Variants in GDF3 observed in about 807,000 individuals in gnomAD.
The protein encoded by GDF3 is growth differentiation factor 3.
In GDF3, 10 loss-of-function variants were observed where a neutral mutation model predicts 10.2. The ratio of observed to expected loss-of-function variants is 0.98; its 90% CI spans 0.60 to 1.66. GDF3 has a LOEUF of 1.66. Among genes scored for constraint, GDF3 ranks in the 40% most tolerant of loss-of-function variants. The probability of loss-of-function intolerance (pLI) is 0.00; values close to 1 mark genes in which losing one functional copy is unlikely to be tolerated. For missense variants in GDF3, 450 were observed against 438.3 expected (o/e 1.03, Z -0.24); for synonymous variants, 166 against 178.5 (o/e 0.93, Z 0.56).
intron 1 of GDF3, among the ~76,000 whole-genome samples, chr12:7,694,598 C>T (rs975931807): frequency 1.4e-5 from 2 of 139,410 alleles, no homozygotes; most frequent in Non-Finnish European, 3.1e-5. Context: ...AAAAGGCAAA[C>T]TTTATCTTGT....
chr12:7,690,362 A>G lies in GDF3; in HGVS notation c.611T>C (p.Ile204Thr). 3 of 1,614,022 alleles carry G rather than the reference A, an allele frequency of 1.9e-6. No homozygotes were observed. Among genetic ancestry groups the G allele is most frequent in the Non-Finnish European group, 2.5e-6 (3 of 1,179,942 alleles). The change falls in exon 2 of 2, where the codon ATA becomes ACA. Residue 204 changes from isoleucine to threonine, a missense_variant. By Grantham distance (89) the Ile-to-Thr change is moderately conservative. Transcript: ENST00000329913. Reference protein sequence around the residue: ...PRKNFGLFLEILVKEDRDSGV... With the variant: ...PRKNFGLFLETLVKEDRDSGV... Reference sequence around the variant, plus strand: ...TGAGTCTCTATCTTCTTTGACCAGTATCTCCAGGAATAACCCGAAATTTTT... The same window carrying G: ...TGAGTCTCTATCTTCTTTGACCAGTGTCTCCAGGAATAACCCGAAATTTTT...
chr12:7,692,435 A>T (rs957905307), intron 1 of GDF3, among the ~76,000 whole-genome samples: 4 of 103,974 alleles, frequency 3.8e-5, no homozygotes, highest in Non-Finnish European at 6.5e-5. Flanking sequence ...CGTCTCAGTT[A>T]AAAAAAAAAA....
At chr12:7,690,726 T>C in intron 1 of GDF3, 22 bp from the exon 2 acceptor site, 1 of 1,344,980 alleles carries the variant, frequency 7.4e-7, no homozygotes, top group Non-Finnish European at 1.1e-6. Context: ...AAGAGACATG[T>C]CAGAGTCATA....
At chr12:7,692,376 G>C (rs1405922628) in intron 1 of GDF3, among the ~76,000 whole-genome samples, 2 of 151,020 alleles carry the variant, frequency 1.3e-5, no homozygotes, top group Non-Finnish European at 2.9e-5. Context: ...GTTGTGGTGA[G>C]CCGATATCAC....
chr12:7,694,211 A>T (rs756574142), intron 1 of GDF3, among the ~76,000 whole-genome samples: 2 of 152,172 alleles, frequency 1.3e-5, no homozygotes, highest in African/African-American at 4.8e-5. Context: ...ACTCTTGCAG[A>T]ATTTTGCAGA....
rs761226379 is a variant in GDF3, at chr12:7,690,255, G to T, written c.718C>A (p.Pro240Thr). ...HASLLVVTLN[P>T]DQCHPSRKRR... The stretch of plus-strand genomic sequence containing the variant: ...TTCCGAGAAGGGTGGCACTGATCAG[G>T]GTTGAGAGTCACCACCAGCAGGGAA... Residue 240 changes from proline (P) to threonine (T), a missense_variant, in exon 2 of 2, where the codon CCT becomes ACT. Coordinates refer to ENST00000329913, the MANE Select transcript of GDF3 (RefSeq NM_020634.3). The T allele has an allele frequency of 6.2e-7, 1 of 1,613,942 alleles. No individual in the cohort carries two copies. Among genetic ancestry groups the T allele is most frequent in the African/African-American group, 1.3e-5 (1 of 74,918 alleles).
At chr12:7,694,585 A>G (rs1014856648) in intron 1 of GDF3, among the ~76,000 whole-genome samples, 10 of 151,676 alleles carry the variant, frequency 6.6e-5, no homozygotes, top group Admixed American at 4.0e-4. Flanking sequence ...AAAAAAAAAA[A>G]AAAAAAGGCA....
In GDF3 at chr12:7,690,084, A is replaced by G; in HGVS notation, c.889T>C (p.Cys297Arg). The G allele has an allele frequency of 6.2e-7, 1 of 1,613,906 alleles. No individual in the cohort carries two copies. The highest frequency in any genetic ancestry group is 1.3e-5 in the African/African-American group (1 of 74,968). The change falls in exon 2 of 2, where the codon TGT (cysteine) becomes CGT (arginine). Residue 297 changes from cysteine (C) to arginine (R), a missense_variant. Physicochemically the swap from Cys to Arg is radical, Grantham distance 180. Coordinates refer to ENST00000329913, the MANE Select transcript of GDF3 (RefSeq NM_020634.3). ...AGAGAGATGGTCAGTGAGAAGGGAC[A>G]CTCTCCATGGCAGTAATTTGCCATG... Reference protein sequence around the residue: ...GFMANYCHGECPFSLTISLNS... With the variant: ...GFMANYCHGERPFSLTISLNS...
chr12:7,690,521 T>C lies in GDF3; in HGVS notation c.452A>G (p.Gln151Arg). 6.2e-7 allele frequency: 1 copy of C among 1,612,426 alleles called. No individual in the cohort carries two copies. The highest frequency in any genetic ancestry group is 8.5e-7 in the Non-Finnish European group (1 of 1,178,734). ...PELELALFLV[Q>R]EPHVWGQTTP... ...GGTCTGGCCCCACACATGAGGCTCC[T>C]GAACCAGGAACAGAGCCAGTTCCAG... The change falls in exon 2 of 2, where the codon CAG becomes CGG. Residue 151 changes from glutamine (Q) to arginine (R), a missense_variant. By Grantham distance (43) the Gln-to-Arg change is conservative. Transcript: ENST00000329913.
chr12:7,695,754 G>C lies in GDF3; in HGVS notation c.-26C>G, dbSNP rs747977252. ...GGCCTCTGGAGTGGCTGTCAGACCG[G>C]GGAGAGCTCCACTGCCAGACTGCCC... On this transcript the variant is annotated 5_prime_UTR_variant, in exon 1 of 2. Transcript: ENST00000329913. 6.2e-7 allele frequency: 1 copy of C among 1,613,562 alleles called. No homozygotes were observed. Among genetic ancestry groups the C allele is most frequent in the African/African-American group, 1.3e-5 (1 of 75,028 alleles).
At chr12:7,694,447 G>T (rs1342842733) in intron 1 of GDF3, among the ~76,000 whole-genome samples, 1 of 150,514 alleles carries the variant, frequency 6.6e-6, no homozygotes, top group Non-Finnish European at 1.5e-5. Flanking sequence ...GGTGACACAC[G>T]CCTGTAATCC....
chr12:7,694,762 G>A (rs1014825588), intron 1 of GDF3, among the ~76,000 whole-genome samples: 3 of 151,996 alleles, frequency 2.0e-5, no homozygotes, highest in Non-Finnish European at 2.9e-5. Flanking sequence ...GTATAGACAT[G>A]CAGATTCTCA....
chr12:7,695,544 G>C lies in GDF3; in HGVS notation c.185C>G (p.Ala62Gly), dbSNP rs763647791. Residue 62 changes from alanine to glycine, a missense_variant, in exon 1 of 2, where the codon GCG (alanine) becomes GGG (glycine). Ala to Gly is a moderately conservative substitution (Grantham distance 60). Transcript: ENST00000329913. ...TAAGTCTCGGGAGACCCCAGTGGTCGCTGCTGCCTCGCGATCCTGGAAAAT... is the reference window on the plus strand; with the variant it reads ...TAAGTCTCGGGAGACCCCAGTGGTCCCTGCTGCCTCGCGATCCTGGAAAAT... Reference protein sequence around the residue: ...KKIFQDREAAATTGVSRDLCY... With the variant: ...KKIFQDREAAGTTGVSRDLCY... The C allele has an allele frequency of 6.8e-6, 11 of 1,613,920 alleles. No individual in the cohort carries two copies. In the African/African-American group the frequency reaches 1.5e-4, roughly 22 times the overall value.
Position 7,695,524 on chromosome 12 carries a change from C to A in GDF3, c.205G>T (p.Asp69Tyr). Reference protein sequence around the residue: ...EAAATTGVSRDLCYVKELGVR... With the variant: ...EAAATTGVSRYLCYVKELGVR... ...CCCAGCTCCTTTACGTAGCATAAGT[C>A]TCGGGAGACCCCAGTGGTCGCTGCT... Residue 69 changes from aspartate to tyrosine, a missense_variant, in exon 1 of 2, where the codon GAC becomes TAC. Coordinates refer to ENST00000329913, the MANE Select transcript of GDF3 (RefSeq NM_020634.3). 6.2e-7 allele frequency: 1 copy of A among 1,614,114 alleles called. No individual in the cohort carries two copies.
At chr12:7,694,591 A>AAAT (rs1864163510) in intron 1 of GDF3, among the ~76,000 whole-genome samples, 3 of 145,482 alleles carry the variant, frequency 2.1e-5, no homozygotes, top group Admixed American at 2.1e-4. Flanking sequence ...AAAAAAAAAA[A>AAAT]GGCAAACTTT....
rs1864106850 is a variant in GDF3, at chr12:7,689,897, T to C, written c.1076A>G (p.Asp359Gly). ...GACATCCTACCCACACCCACATTCA[T>C]CGACTACCATGTCTTCATAATGTCG... ...ILRHYEDMVV[D>G]ECGCG The change falls in exon 2 of 2, where the codon GAT becomes GGT. Residue 359 changes from aspartate (D) to glycine (G), a missense_variant. By Grantham distance (94) the Asp-to-Gly change is moderately conservative. Transcript: ENST00000329913. 1.9e-6 allele frequency: 3 copies of C among 1,610,962 alleles called. No individual in the cohort carries two copies. The highest frequency in any genetic ancestry group is 2.5e-6 in the Non-Finnish European group (3 of 1,177,124).
rs930405012 is a variant in GDF3 at position 7,693,851 on chromosome 12, G to T, written c.268+1610C>A. ...TAGTTCCAACTACTCTACTCGGCAG[G>T]CTGAGGTGGGAAGATCGCTTGAGCC... On this transcript the variant is annotated intron_variant, in intron 1 of 1. Transcript: ENST00000329913. Among the ~76,000 whole-genome samples the T allele has an allele frequency of 2.6e-5, 4 of 152,168 alleles. No individual in the cohort carries two copies. In the East Asian group the frequency reaches 7.8e-4, roughly 30 times the overall value.
intron 1 of GDF3, among the ~76,000 whole-genome samples, chr12:7,694,080 T>A (rs866253540): frequency 1.1e-4 from 16 of 151,832 alleles, no homozygotes; most frequent in South Asian, 2.1e-4. Flanking sequence ...GAGACAAGAG[T>A]GCATGCTCTA....
intron 1 of GDF3, among the ~76,000 whole-genome samples, chr12:7,691,291 T>G (rs1407563347): frequency 6.6e-6 from 1 of 152,178 alleles, no homozygotes; most frequent in Non-Finnish European, 1.5e-5. Flanking sequence ...CTAAATGAAA[T>G]TTAGCATTTC....
Sources: gnomAD v4.1 joint callset for allele counts (sites outside exome capture counted in the v4.1 genomes callset) on GRCh38, gnomAD v4.1.1 for gene constraint, MANE v1.5 for transcripts, NCBI Gene and HGNC (gene_info 2026-07-23, HGNC 2026-07-21) for gene names.